The following FHIP2A variants were observed in gnomAD, a reference collection of about 807,000 sequenced individuals.
FHIP2A encodes the protein family with sequence similarity 160 member B1.
A neutral mutation model predicts 93.5 loss-of-function variants in FHIP2A; 46 were observed. The ratio of observed to expected loss-of-function variants is 0.49; its 90% confidence interval spans 0.39 to 0.63. FHIP2A has a LOEUF of 0.63. Ranked by LOEUF, FHIP2A falls within the 20% of genes least tolerant of loss-of-function variation. The pLI is 0.00. For missense variants in FHIP2A, 769 were observed against 909.7 expected, an observed-to-expected ratio of 0.85 and a Z score of 1.99; for synonymous variants, 332 against 326.5, an observed-to-expected ratio of 1.02 and a Z score of -0.18.
chr10:114,842,081 C>T (rs1439015648), intron 5 of FHIP2A, among the ~76,000 whole-genome samples: 1 of 151,892 alleles, frequency 6.6e-6, no homozygotes, highest in East Asian at 1.9e-4. Flanking sequence ...TTTTTTGAGA[C>T]AGGGTCTTGC....
At chr10:114,822,799 GCC>G in intron 1 of FHIP2A, among the ~76,000 whole-genome samples, 1 of 152,330 alleles carries the variant, frequency 6.6e-6, no homozygotes, top group South Asian at 2.1e-4. Flanking sequence ...AGCTCACCGA[GCC>G]CAGAGACCAT....
At chr10:114,857,057 T>A (rs561631091) in intron 14 of FHIP2A, among the ~76,000 whole-genome samples, 14 of 151,856 alleles carry the variant, frequency 9.2e-5, no homozygotes, top group Non-Finnish European at 1.8e-4. Context: ...TGCCTAAGGA[T>A]AGCCACTGCA....
chr10:114,868,921 G>A (rs747560963), downstream of FHIP2A, among the ~76,000 whole-genome samples: 1 of 152,148 alleles, frequency 6.6e-6, no homozygotes, highest in African/African-American at 2.4e-5. Flanking sequence ...TCAAGGCTGA[G>A]AACTATAATC....
chr10:114,855,183 T>A lies in FHIP2A; in HGVS notation c.1804-14T>A. 9 of 1,593,262 alleles carry A rather than the reference T, an allele frequency of 5.6e-6. No individual in the cohort carries two copies. The highest frequency in any genetic ancestry group is 6.8e-6 in the Non-Finnish European group (8 of 1,171,036). On this transcript the variant is annotated splice_polypyrimidine_tract_variant and intron_variant, in intron 13 of 16. Coordinates refer to ENST00000369248, the MANE Select transcript of FHIP2A (RefSeq NM_020940.4). ...TTTTGTTCTTTAATGATTCACATGC[T>A]TTTTTCCCCCTAGTTCCGAGACTAC...
At chr10:114,891,228 A>ATT (rs147633384) in intron 16 of FHIP2A, among the ~76,000 whole-genome samples, 16,474 of 149,292 alleles carry the variant, frequency 0.11, 1,151 homozygotes, top group East Asian at 0.2. Flanking sequence ...AAATATATAT[A>ATT]TATATATATA....
chr10:114,883,948 A>G (rs1316858858), intron 16 of FHIP2A, among the ~76,000 whole-genome samples: 2 of 152,196 alleles, frequency 1.3e-5, no homozygotes, highest in African/African-American at 2.4e-5. Context: ...GTGACCAGAT[A>G]GTAAAGAGAT....
chr10:114,865,968 T>C (rs2083826859), downstream of FHIP2A, among the ~76,000 whole-genome samples: 1 of 151,922 alleles, frequency 6.6e-6, no homozygotes, highest in South Asian at 2.1e-4. Context: ...TGTTTGTTTG[T>C]TTTTTTTAAT....
At chr10:114,876,358 C>G (rs2083889243) in intron 16 of FHIP2A, among the ~76,000 whole-genome samples, 1 of 152,226 alleles carries the variant, frequency 6.6e-6, no homozygotes, top group Admixed American at 6.5e-5. Context: ...ACAGCTCCCC[C>G]TCATCGCCCG....
chr10:114,835,738 A>ATTT, intron 4 of FHIP2A, 97 bp downstream of exon 4: 1 of 783,620 alleles, frequency 1.3e-6, no homozygotes, highest in Non-Finnish European at 1.9e-6. Context: ...TAATGAAATT[A>ATTT]TTCCAAAATT....
intron 5 of FHIP2A, among the ~76,000 whole-genome samples, chr10:114,839,916 T>C (rs2083659630): frequency 6.6e-6 from 1 of 151,122 alleles, no homozygotes; most frequent in South Asian, 2.1e-4. Flanking sequence ...AGAAACAGTC[T>C]TTGTCCTAAA....
At chr10:114,893,831 G>T (rs1438584627) in intron 16 of FHIP2A, among the ~76,000 whole-genome samples, 2 of 151,890 alleles carry the variant, frequency 1.3e-5, no homozygotes, top group Non-Finnish European at 2.9e-5. Context: ...ACCACATAAT[G>T]ACAAGAAAAA....
intron 1 of FHIP2A, among the ~76,000 whole-genome samples, chr10:114,824,115 G>T (rs2083559613): frequency 6.6e-6 from 1 of 152,170 alleles, no homozygotes; most frequent in Admixed American, 6.5e-5. Context: ...ATGAAAATAT[G>T]CCATTTTATA....
At position 114,847,148 on chromosome 10, in the gene FHIP2A, C is replaced by A; in HGVS notation, c.1627C>A (p.Gln543Lys). 15 of 1,612,956 alleles carry A rather than the reference C, an allele frequency of 9.3e-6. No homozygotes were observed. The highest frequency in any genetic ancestry group is 1.3e-5 in the Non-Finnish European group (15 of 1,179,128). ...TTCACCAGAAAACACTTTGCCAAAC[C>A]AAGAGTGGCTTAGTTCTTCACCTCC... Reference protein sequence around the residue: ...DISPENTLPNQEWLSSSPPAT... With the variant: ...DISPENTLPNKEWLSSSPPAT... The change falls in exon 12 of 17, where the codon CAA becomes AAA. Residue 543 changes from glutamine to lysine, a missense_variant. Transcript: ENST00000369248.
chr10:114,851,618 T>C (rs1448118673), intron 13 of FHIP2A, among the ~76,000 whole-genome samples: 1 of 150,002 alleles, frequency 6.7e-6, no homozygotes, highest in Non-Finnish European at 1.5e-5. Context: ...TTGAGAAATA[T>C]GAATCCTTCA....
chr10:114,886,461 G>T (rs2083943286), intron 16 of FHIP2A, among the ~76,000 whole-genome samples: 2 of 151,972 alleles, frequency 1.3e-5, no homozygotes, highest in Admixed American at 1.3e-4. Context: ...GCCAAATATG[G>T]CCTTAGATGT....
At chr10:114,849,354 C>G (rs993086471) in intron 13 of FHIP2A, among the ~76,000 whole-genome samples, 1 of 152,082 alleles carries the variant, frequency 6.6e-6, no homozygotes, top group Admixed American at 6.5e-5. Context: ...CACCCTTGAT[C>G]CTCATACACA....
At position 114,835,617 on chromosome 10, in the gene FHIP2A, C is replaced by T; in HGVS notation, c.375C>T (p.His125=). The stretch of plus-strand genomic sequence containing the variant: ...GAATCCGGCAGCCACTACTTCCACA[C>T]ATTAACGTGCACAGGCCAGTGCAGG... ...LGRIRQPLLP[H]INVHRPVQKL... The change falls in exon 4 of 17, where the codon CAC becomes CAT. Residue 125 remains histidine (H), a synonymous_variant. Coordinates refer to ENST00000369248, the MANE Select transcript of FHIP2A (RefSeq NM_020940.4). The T allele has an allele frequency of 1.2e-6, 2 of 1,611,936 alleles. No homozygotes were observed. Among genetic ancestry groups the T allele is most frequent in the South Asian group, 2.2e-5 (2 of 90,946 alleles).
intron 5 of FHIP2A, among the ~76,000 whole-genome samples, chr10:114,841,611 T>G (rs2083669570): frequency 6.6e-6 from 1 of 152,170 alleles, no homozygotes; most frequent in African/African-American, 2.4e-5. Context: ...TGTTGGAAAT[T>G]GGCAAATTGT....
At position 114,849,127 on chromosome 10, in the gene FHIP2A, CAAAAAAAAAAAAA is replaced by C. The variant is rs34515682; in HGVS notation, c.1803+405_1803+417del. Among the ~76,000 whole-genome samples the C allele has an allele frequency of 2.2e-3, 110 of 50,448 alleles. 1 individual carries two copies. Among genetic ancestry groups the C allele is most frequent in the South Asian group, 3.1e-3 (3 of 980 alleles). The allele number at this position is 50,448 out of a possible 152,430, so 33.1% of individuals were successfully genotyped here. ...TGGGCAAGAGAGCAAGACTCCATCT[CAAAAAAAAAAAAA>C]AAAAAAAAAAAAAAGACCTGGTCTC... On this transcript the variant is annotated intron_variant, in intron 13 of 16. Coordinates refer to ENST00000369248, the MANE Select transcript of FHIP2A (RefSeq NM_020940.4).
Sources: allele counts gnomAD v4.1 joint callset (sites outside exome capture counted in the v4.1 genomes callset), GRCh38; gene constraint gnomAD v4.1.1; transcripts MANE v1.5; gene names NCBI Gene and HGNC (gene_info 2026-07-23, HGNC 2026-07-21).